DLGAP2: variants seen among roughly 807,000 people sequenced by gnomAD.
The protein encoded by DLGAP2 is disks large-associated protein 2.
DLGAP2 carries 26 observed loss-of-function variants against 100.3 expected under a neutral mutation model. The ratio of observed to expected loss-of-function variants is 0.26; its 90% confidence interval spans 0.19 to 0.36. DLGAP2 has a LOEUF of 0.36. Ranked by LOEUF, DLGAP2 falls within the 10% of genes least tolerant of loss-of-function variation. The pLI, the probability that DLGAP2 is intolerant of heterozygous loss-of-function variation, is 1.00. For synonymous variants in DLGAP2, 886 were observed against 630.1 expected (o/e 1.41, Z -6.08); for missense variants, 1,858 against 1,453.2 (o/e 1.28, Z -4.53).
chr8:1,643,064 C>T (rs71499030), intron 8 of DLGAP2, among the ~76,000 whole-genome samples: 2 of 6,658 alleles, frequency 3.0e-4, no homozygotes, highest in Admixed American at 1.1e-3. Flanking sequence ...ACCCCGCCGG[C>T]CCTCACCTGT....
chr8:1,626,668 G>T (rs1407342519), intron 6 of DLGAP2, 72 bp from the exon 7 acceptor site: 6 of 1,538,114 alleles, frequency 3.9e-6, no homozygotes, highest in Non-Finnish European at 5.3e-6. Flanking sequence ...GTGTGGGTTG[G>T]ATGGTCATTC....
chr8:1,690,607 G>A (rs1233700411), intron 12 of DLGAP2, among the ~76,000 whole-genome samples: 2 of 147,516 alleles, frequency 1.4e-5, no homozygotes, highest in Non-Finnish European at 3.0e-5. Flanking sequence ...GGGAGGCTGA[G>A]GCCAGAAAAT....
intron 3 of DLGAP2, among the ~76,000 whole-genome samples, chr8:1,343,222 G>C (rs974961861): frequency 6.6e-6 from 1 of 152,184 alleles, no homozygotes; most frequent in Admixed American, 6.5e-5. Flanking sequence ...AAAGGGCACC[G>C]ATTAAGTCCG....
chr8:1,108,694 TGGGTCTGTGAGGTGTGCAC>T (rs1271173865), intron 2 of DLGAP2, among the ~76,000 whole-genome samples: 2 of 115,864 alleles, frequency 1.7e-5, no homozygotes, highest in East Asian at 5.8e-4. Flanking sequence ...GAGGTGTGCA[TGGGTCTGTGAGGTGTGCAC>T]GTGCCTATAA....
Position 1,549,314 on chromosome 8 carries a change from C to T in DLGAP2, c.861C>T (p.Gly287=), listed in dbSNP as rs973559824. 6.2e-7 allele frequency: 1 copy of T among 1,612,852 alleles called. No homozygotes were observed. Among genetic ancestry groups the T allele is most frequent in the South Asian group, 1.1e-5 (1 of 91,050 alleles). ...RSKSKERKPE[G]KPRPGMSSWW... Reference sequence around the variant, plus strand: ...AGAGCAAGGAGCGCAAGCCGGAGGGCAAGCCCCGGCCCGGCATGAGCAGCT... The same window carrying T: ...AGAGCAAGGAGCGCAAGCCGGAGGGTAAGCCCCGGCCCGGCATGAGCAGCT... Residue 287 remains glycine (G), a synonymous_variant, in exon 5 of 15, where the codon GGC becomes GGT. Transcript: ENST00000637795.
intron 8 of DLGAP2, among the ~76,000 whole-genome samples, chr8:1,656,910 C>A (rs1311938388): frequency 1.3e-5 from 2 of 152,116 alleles, no homozygotes; most frequent in East Asian, 3.9e-4. Context: ...CCCTGTGAAA[C>A]AAACAAAATC....
chr8:1,426,945 A>G (rs1797253936), intron 3 of DLGAP2, among the ~76,000 whole-genome samples: 1 of 152,262 alleles, frequency 6.6e-6, no homozygotes, highest in Non-Finnish European at 1.5e-5. Flanking sequence ...AGCAGTGAAC[A>G]GAGAGATCAA....
intron 3 of DLGAP2, among the ~76,000 whole-genome samples, chr8:1,496,580 G>A (rs541576890): frequency 9.9e-5 from 15 of 152,162 alleles, no homozygotes; most frequent in Non-Finnish European, 1.8e-4. Flanking sequence ...GAAGGCAAAC[G>A]TGGCGCACCC....
At chr8:813,369 A>G (rs996417151) in intron 1 of DLGAP2, among the ~76,000 whole-genome samples, 1 of 152,088 alleles carries the variant, frequency 6.6e-6, no homozygotes, top group Non-Finnish European at 1.5e-5. Context: ...ATTCATATAA[A>G]CACTTGTATT....
At chr8:838,194 G>C (rs1413380231) in intron 1 of DLGAP2, among the ~76,000 whole-genome samples, 1 of 152,006 alleles carries the variant, frequency 6.6e-6, no homozygotes, top group Non-Finnish European at 1.5e-5. Context: ...CGTACTTCTT[G>C]TCTTTCCCCT....
At chr8:1,607,081 T>G in intron 6 of DLGAP2, among the ~76,000 whole-genome samples, 1 of 152,244 alleles carries the variant, frequency 6.6e-6, no homozygotes, top group East Asian at 1.9e-4. Context: ...ATGTTTGACC[T>G]TTTGAGGAAC....
chr8:1,189,822 G>A (rs1260610793), intron 2 of DLGAP2, among the ~76,000 whole-genome samples: 3 of 152,162 alleles, frequency 2.0e-5, no homozygotes, highest in African/African-American at 4.8e-5. Context: ...GGGTCCCCCT[G>A]AGGGCAAGAA....
chr8:1,185,986 C>A (rs1291381041), intron 2 of DLGAP2, among the ~76,000 whole-genome samples: 1 of 152,140 alleles, frequency 6.6e-6, no homozygotes, highest in African/African-American at 2.4e-5. Flanking sequence ...GAAGTATTAA[C>A]CAGGCCAGCT....
At chr8:1,691,686 C>T in intron 13 of DLGAP2, 60 bp downstream of exon 13, 1 of 1,346,766 alleles carries the variant, frequency 7.4e-7, no homozygotes, top group South Asian at 1.2e-5. Flanking sequence ...CATCATTCCA[C>T]AGATTCTCAT....
intron 2 of DLGAP2, among the ~76,000 whole-genome samples, chr8:1,218,476 G>T (rs922933383): frequency 6.7e-6 from 1 of 148,606 alleles, no homozygotes; most frequent in African/African-American, 2.6e-5. Flanking sequence ...TGTTGTTGTT[G>T]TTGTTTTATT....
intron 3 of DLGAP2, among the ~76,000 whole-genome samples, chr8:1,412,176 C>G (rs1176689366): frequency 6.6e-6 from 1 of 152,206 alleles, no homozygotes; most frequent in Non-Finnish European, 1.5e-5. Flanking sequence ...TGCTATGGCT[C>G]CCACTGCCCT....
chr8:879,134 C>G (rs767187224), intron 1 of DLGAP2, among the ~76,000 whole-genome samples: 18 of 152,042 alleles, frequency 1.2e-4, no homozygotes, highest in Admixed American at 2.6e-4. Context: ...AAAATCTTAC[C>G]TAGGATCACA....
intron 1 of DLGAP2, among the ~76,000 whole-genome samples, chr8:787,259 G>A (rs1004816992): frequency 2.0e-5 from 3 of 152,044 alleles, no homozygotes; most frequent in Non-Finnish European, 2.9e-5. Context: ...TAGTAACTAT[G>A]GCAGAGCCTG....
At chr8:999,408 T>G (rs1800877158) in intron 2 of DLGAP2, among the ~76,000 whole-genome samples, 1 of 152,204 alleles carries the variant, frequency 6.6e-6, no homozygotes, top group East Asian at 1.9e-4. Flanking sequence ...GTCAAGAATT[T>G]TCCTGTGCTT....
Sources: gnomAD v4.1 joint callset for allele counts (sites outside exome capture counted in the v4.1 genomes callset) on GRCh38, gnomAD v4.1.1 for gene constraint, MANE v1.5 for transcripts, NCBI Gene and HGNC (gene_info 2026-07-23, HGNC 2026-07-21) for gene names.